The following WASHC4 variants were observed in gnomAD, a reference collection of about 807,000 sequenced individuals.
WASHC4 encodes WASH complex subunit 4.
A neutral mutation model predicts 166.6 loss-of-function variants in WASHC4; 86 were observed. The observed-to-expected ratio is 0.52, with a 90% CI of 0.43 to 0.62. WASHC4 has a LOEUF of 0.62. Ranked by LOEUF, WASHC4 falls within the 20% of genes least tolerant of loss-of-function variation. The probability of loss-of-function intolerance (pLI) is 0.00; values close to 1 mark genes in which losing one functional copy is unlikely to be tolerated. For missense variants in WASHC4, 1,262 were observed against 1,382.4 expected, an observed-to-expected ratio of 0.91 and a Z score of 1.38; for synonymous variants, 446 against 451.6, an observed-to-expected ratio of 0.99 and a Z score of 0.16.
In WASHC4 at chr12:105,127,089, G is replaced by T. The variant is rs190299477; in HGVS notation, c.1039-40G>T. On this transcript the variant is annotated intron_variant, in intron 12 of 32. Transcript: ENST00000332180. ...TTTTAAACAGCTTGTTGTTTAGCCT[G>T]CATTTAATGAATTTTCCCCTTTTCC... 3.0e-3 allele frequency: 4,670 copies of T among 1,558,384 alleles called. 9 individuals are homozygous for T. The highest frequency in any genetic ancestry group is 3.5e-3 in the Non-Finnish European group (3,992 of 1,129,616).
chr12:105,144,829 TG>T lies in WASHC4; in HGVS notation c.2293del (p.Val765LeufsTer2). On this transcript the variant is annotated frameshift_variant, in exon 22 of 33. Transcript: ENST00000332180. LOFTEE classifies it high-confidence loss of function. ...MRNLATQRYGLVMTEAHLPSQ... is the reference protein window; with the variant it reads ...MRNLATQRYGXVMTEAHLPSQ... ...AACTTAGCTACTCAGCGTTATGGAC[TG>T]GTTATGACAGAGGCACATCTTCCCA... 1 of 1,613,308 alleles carries T rather than the reference TG, an allele frequency of 6.2e-7. No homozygotes were observed.
chr12:105,166,204 A>G (rs1035405443), intron 32 of WASHC4, among the ~76,000 whole-genome samples: 11 of 152,124 alleles, frequency 7.2e-5, no homozygotes, highest in African/African-American at 2.2e-4. Flanking sequence ...TTCTAAGACT[A>G]TTTCAGCTAA....
rs1040542828 is a variant in WASHC4 at position 105,168,435 on chromosome 12, A to G, written c.*1504A>G. 6.7e-6 allele frequency: 1 copy of G among 148,406 alleles called. No homozygotes were observed. The highest frequency in any genetic ancestry group is 1.5e-5 in the Non-Finnish European group (1 of 67,130). 9.2% of individuals were successfully genotyped at this position (148,406 alleles called of 1,614,324 possible). On this transcript the variant is annotated 3_prime_UTR_variant, in exon 33 of 33. Transcript: ENST00000332180. Reference sequence around the variant, plus strand: ...ATAATTAATAATTTATATTTTCATTATTATAAGTGTTTATATTAATGATCT... The same window carrying G: ...ATAATTAATAATTTATATTTTCATTGTTATAAGTGTTTATATTAATGATCT...
intron 15 of WASHC4, among the ~76,000 whole-genome samples, chr12:105,139,425 G>GTATATATATGTA (rs1882611662): frequency 9.7e-6 from 1 of 103,190 alleles, no homozygotes; most frequent in Non-Finnish European, 2.0e-5. Flanking sequence ...ATGTGTGTGT[G>GTATATATATGTA]TATATATATA....
intron 7 of WASHC4, 87 bp from the exon 8 acceptor site, chr12:105,120,468 G>T: frequency 1.3e-6 from 1 of 785,506 alleles, no homozygotes; most frequent in East Asian, 2.5e-5. Flanking sequence ...AAAATTCCAA[G>T]ATCATCTGCT....
chr12:105,114,421 A>G lies in WASHC4; in HGVS notation c.315A>G (p.Lys105=), dbSNP rs1238594629. 1 of 1,573,660 alleles carries G rather than the reference A, an allele frequency of 6.4e-7. No individual in the cohort carries two copies. Among genetic ancestry groups the G allele is most frequent in the Admixed American group, 1.7e-5 (1 of 58,238 alleles). The stretch of plus-strand genomic sequence containing the variant: ...TTTGTTGTGAAATCAAGAAATTAAA[A>G]TATGAGGTAATTATTTGAATTCTTG... ...AALCCEIKKL[K]YEAETKFYNG... is the part of the protein sequence containing the mutation. The change falls in exon 4 of 33, where the codon AAA becomes AAG. Residue 105 remains lysine (K), a synonymous_variant. Transcript: ENST00000332180.
intron 16 of WASHC4, 115 bp from the exon 17 acceptor site, chr12:105,140,784 A>G (rs547649394): frequency 4.9e-6 from 5 of 1,019,300 alleles, no homozygotes; most frequent in Non-Finnish European, 7.4e-6. Flanking sequence ...AAATGGGGAA[A>G]GTATTTGTGT....
intron 4 of WASHC4, among the ~76,000 whole-genome samples, chr12:105,114,821 C>T (rs1880027773): frequency 6.6e-6 from 1 of 151,810 alleles, no homozygotes; most frequent in Non-Finnish European, 1.5e-5. Context: ...TTTTGTGTTT[C>T]CTTACCCAAG....
Position 105,111,270 on chromosome 12 carries a change from A to C in WASHC4, c.201+6A>C, listed in dbSNP as rs1298823877. The stretch of plus-strand genomic sequence containing the variant: ...TTGATCCTATAGCATTAAAGGTTTG[A>C]TTTGATTTTTTAAAAATATATGTAT... On this transcript the variant is annotated splice_donor_region_variant and intron_variant, in intron 2 of 32. Transcript: ENST00000332180. 2 of 1,589,128 alleles carry C rather than the reference A, an allele frequency of 1.3e-6. No individual in the cohort carries two copies. The highest frequency in any genetic ancestry group is 2.7e-5 in the African/African-American group (2 of 74,404).
At chr12:105,152,210 A>G (rs1883823420) in intron 25 of WASHC4, 133 bp from the exon 26 acceptor site, 1 of 633,700 alleles carries the variant, frequency 1.6e-6, no homozygotes, top group Non-Finnish European at 2.9e-6. Context: ...TGTATGAATT[A>G]TTAATCTTAA....
chr12:105,109,039 G>A (rs983203775), intron 1 of WASHC4, among the ~76,000 whole-genome samples: 2 of 152,180 alleles, frequency 1.3e-5, no homozygotes, highest in Non-Finnish European at 2.9e-5. Context: ...GGGAGGCTGA[G>A]GCAGGAGAAT....
chr12:105,135,850 G>C (rs1351857561), intron 14 of WASHC4, among the ~76,000 whole-genome samples: 1 of 151,860 alleles, frequency 6.6e-6, no homozygotes, highest in Non-Finnish European at 1.5e-5. Flanking sequence ...TTCATTATTT[G>C]GGTATTTGTC....
At chr12:105,163,982 A>C in intron 30 of WASHC4, 129 bp from the exon 31 acceptor site, 1 of 832,352 alleles carries the variant, frequency 1.2e-6, no homozygotes, top group Non-Finnish European at 1.9e-6. Context: ...ATGTAACTTG[A>C]AACGGGACAA....
rs1254271318 is a variant in WASHC4, at chr12:105,137,894, G to A, written c.1335G>A (p.Leu445=). 1.2e-6 allele frequency: 2 copies of A among 1,605,850 alleles called. No homozygotes were observed. Among genetic ancestry groups the A allele is most frequent in the East Asian group, 2.2e-5 (1 of 44,696 alleles). Residue 445 remains leucine, a synonymous_variant, in exon 15 of 33, where the codon TTG becomes TTA. Coordinates refer to ENST00000332180, the MANE Select transcript of WASHC4 (RefSeq NM_015275.3). ...NRCNVFIQGF[L]YAYSISTIIK... is the part of the protein sequence containing the mutation. Reference sequence around the variant, plus strand: ...AATGTTTTCCTTTACAGGGCTTCTTGTATGCATATAGTATTAGTACCATTA... The same window carrying A: ...AATGTTTTCCTTTACAGGGCTTCTTATATGCATATAGTATTAGTACCATTA...
Position 105,157,260 on chromosome 12 carries a change from T to C in WASHC4, c.2850T>C (p.Ile950=). ...GATTTGTTCCTGATCTTGAAGATAT[T>C]GTAAATTTTGAAGAACTAGTAAAAG... is the stretch of plus-strand genomic sequence containing the variant. ...AIRFVPDLED[I]VNFEELVKEE... The change falls in exon 28 of 33, where the codon ATT becomes ATC. Residue 950 remains isoleucine, a synonymous_variant. Transcript: ENST00000332180. The C allele has an allele frequency of 6.5e-7, 1 of 1,550,166 alleles. No individual in the cohort carries two copies. The highest frequency in any genetic ancestry group is 8.9e-7 in the Non-Finnish European group (1 of 1,124,628).
intron 28 of WASHC4, among the ~76,000 whole-genome samples, chr12:105,157,583 G>A (rs184766066): frequency 6.3e-4 from 96 of 152,292 alleles, no homozygotes; most frequent in African/African-American, 2.2e-3. Flanking sequence ...ATGTGCTCAA[G>A]TATAAAGTAC....
intron 32 of WASHC4, 48 bp downstream of exon 32, chr12:105,164,788 A>G (rs117460788): frequency 0.035 from 43,478 of 1,233,242 alleles, 980 homozygotes; most frequent in Admixed American, 0.047. Context: ...GTCTTTAGTA[A>G]TAGACAGTAA....
intron 1 of WASHC4, among the ~76,000 whole-genome samples, chr12:105,108,542 G>A (rs1467470103): frequency 6.6e-6 from 1 of 152,178 alleles, no homozygotes. Flanking sequence ...TGCTTCACAA[G>A]ATCGAATTGT....
chr12:105,147,644 G>C (rs914239774), intron 24 of WASHC4: 3 of 960,826 alleles, frequency 3.1e-6, no homozygotes, highest in Non-Finnish European at 3.7e-6. Context: ...GGTGGCTCAC[G>C]CTTGTAATCC....
Sources: allele counts gnomAD v4.1 joint callset (sites outside exome capture counted in the v4.1 genomes callset), GRCh38; gene constraint gnomAD v4.1.1; transcripts MANE v1.5; gene names NCBI Gene and HGNC (gene_info 2026-07-23, HGNC 2026-07-21).